The following JAM3 variants were observed in gnomAD, a reference collection of about 807,000 sequenced individuals.
JAM3 encodes the protein junctional adhesion molecule C.
In JAM3, 31 loss-of-function variants were observed where a neutral mutation model predicts 39.4. The ratio of observed to expected loss-of-function variants is 0.79; its 90% CI spans 0.59 to 1.06. The LOEUF is 1.06. JAM3 is among the 50% of genes least tolerant of loss of function. The pLI is 0.00. For synonymous variants in JAM3, 182 were observed against 148.7 expected, an observed-to-expected ratio of 1.22 and a Z score of -1.63; for missense variants, 455 against 391.4, an observed-to-expected ratio of 1.16 and a Z score of -1.37.
rs191171362 is a variant in JAM3, at chr11:134,078,531, G to A, written c.76+9372G>A. ...GGTTTGTCCTTTTAAAGATTTCCCC[G>A]ACTTCCTTGTGAGACATGGAATAAA... is the stretch of plus-strand genomic sequence containing the variant. On this transcript the variant is annotated intron_variant, in intron 1 of 8. Transcript: ENST00000299106. Among the ~76,000 whole-genome samples, 7 of 152,236 alleles carry A rather than the reference G, an allele frequency of 4.6e-5. No homozygotes were observed. In the East Asian group the frequency reaches 9.7e-4, roughly 21 times the overall value.
At chr11:134,086,807 T>TTTGTTG (rs1286165221) in intron 1 of JAM3, among the ~76,000 whole-genome samples, 1 of 151,958 alleles carries the variant, frequency 6.6e-6, no homozygotes, top group South Asian at 2.1e-4. Context: ...AGTGGTTTTT[T>TTTGTTG]TTGTTGTTGT....
intron 1 of JAM3, among the ~76,000 whole-genome samples, chr11:134,137,097 A>G (rs1942879692): frequency 1.3e-5 from 2 of 149,134 alleles, no homozygotes; most frequent in South Asian, 2.1e-4. Context: ...TGGCTGACAG[A>G]GCGAGACTCT....
chr11:134,082,755 A>G (rs1941687830), intron 1 of JAM3, among the ~76,000 whole-genome samples: 1 of 152,184 alleles, frequency 6.6e-6, no homozygotes, highest in Non-Finnish European at 1.5e-5. Flanking sequence ...AATACAATGC[A>G]TATACATGAA....
intron 4 of JAM3, 26 bp downstream of exon 4, chr11:134,144,419 A>T: frequency 6.2e-7 from 1 of 1,613,228 alleles, no homozygotes; most frequent in Non-Finnish European, 8.5e-7. Flanking sequence ...AAGGTGAGAC[A>T]TTGCCACCAT....
chr11:134,147,459 CAAAAAA>C (rs557379286), intron 6 of JAM3, among the ~76,000 whole-genome samples: 7 of 70,884 alleles, frequency 9.9e-5, no homozygotes, highest in Non-Finnish European at 2.0e-4. Context: ...GACTCTGTCT[CAAAAAA>C]AAAAAAAAAA....
At chr11:134,084,259 T>G (rs1377911882) in intron 1 of JAM3, among the ~76,000 whole-genome samples, 1 of 152,234 alleles carries the variant, frequency 6.6e-6, no homozygotes, top group Non-Finnish European at 1.5e-5. Context: ...CTGTAAAGCC[T>G]TTTTAATGGA....
In JAM3 at chr11:134,144,895, C is replaced by T; in HGVS notation, c.513C>T (p.Tyr171=). Residue 171 remains tyrosine, a synonymous_variant, in exon 5 of 9, where the codon TAC becomes TAT. Transcript: ENST00000299106. ...QESEGHPRPH[Y]SWYRNDVPLP... ...GTGAGGGCCACCCCCGGCCTCACTACAGCTGGTATCGCAATGATGTACCAC... is the reference window on the plus strand; with the variant it reads ...GTGAGGGCCACCCCCGGCCTCACTATAGCTGGTATCGCAATGATGTACCAC... The T allele has an allele frequency of 1.2e-6, 2 of 1,614,180 alleles. No homozygotes were observed. Among genetic ancestry groups the T allele is most frequent in the African/African-American group, 1.3e-5 (1 of 75,068 alleles).
At chr11:134,111,780 C>A (rs902709082) in intron 1 of JAM3, among the ~76,000 whole-genome samples, 1 of 152,112 alleles carries the variant, frequency 6.6e-6, no homozygotes, top group African/African-American at 2.4e-5. Flanking sequence ...AGGGAATCTC[C>A]ATTTTCTTTT....
intron 1 of JAM3, among the ~76,000 whole-genome samples, chr11:134,125,584 C>A (rs1322235814): frequency 6.6e-6 from 1 of 152,172 alleles, no homozygotes; most frequent in Non-Finnish European, 1.5e-5. Flanking sequence ...CCATTGACCT[C>A]GCTAGCATCC....
intron 1 of JAM3, among the ~76,000 whole-genome samples, chr11:134,122,243 G>A (rs928293733): frequency 2.6e-5 from 4 of 152,168 alleles, no homozygotes; most frequent in African/African-American, 4.8e-5. Flanking sequence ...CCTAGCTGAC[G>A]CTAACAAAAT....
At position 134,148,623 on chromosome 11, in the gene JAM3, C is replaced by A; in HGVS notation, c.789C>A (p.Ile263=). Residue 263 remains isoleucine (I), a synonymous_variant, in exon 7 of 9, where the codon ATC becomes ATA. Coordinates refer to ENST00000299106, the MANE Select transcript of JAM3 (RefSeq NM_032801.5). ...TACTGGCCCTGATCACGTTGGGCAT[C>A]TGCTGTGCATACAGACGTGGCTACT... ...LAVLALITLG[I]CCAYRRGYFI... 6.2e-7 allele frequency: 1 copy of A among 1,614,058 alleles called. No individual in the cohort carries two copies.
At chr11:134,108,581 TATAGGA>T (rs1302777447) in intron 1 of JAM3, among the ~76,000 whole-genome samples, 1 of 152,158 alleles carries the variant, frequency 6.6e-6, no homozygotes, top group East Asian at 1.9e-4. Context: ...TGTTTGTGTG[TATAGGA>T]AGAAAACAAA....
At chr11:134,107,049 A>G (rs1209077912) in intron 1 of JAM3, among the ~76,000 whole-genome samples, 1 of 152,246 alleles carries the variant, frequency 6.6e-6, no homozygotes, top group African/African-American at 2.4e-5. Context: ...GTATTGTGGC[A>G]CTATTCACAA....
chr11:134,146,804 ATCC>A (rs1943081117), intron 6 of JAM3, among the ~76,000 whole-genome samples: 2 of 152,098 alleles, frequency 1.3e-5, no homozygotes, highest in South Asian at 4.1e-4. Context: ...GCCTCAAGCA[ATCC>A]TCCTGCCTCG....
At chr11:134,144,524 G>A (rs1285419500) in intron 4 of JAM3, 131 bp downstream of exon 4, 17 of 1,129,294 alleles carry the variant, frequency 1.5e-5, no homozygotes, top group Non-Finnish European at 2.1e-5. Flanking sequence ...GAACTGTTGA[G>A]AGCTGAGACT....
chr11:134,069,700 C>G (rs183381437), intron 1 of JAM3, among the ~76,000 whole-genome samples: 2 of 152,296 alleles, frequency 1.3e-5, no homozygotes, highest in Admixed American at 6.5e-5. Flanking sequence ...CTGGAAGACC[C>G]TGCGCAGCAG....
intron 1 of JAM3, among the ~76,000 whole-genome samples, chr11:134,134,516 A>G (rs1399399085): frequency 6.6e-6 from 1 of 152,104 alleles, no homozygotes; most frequent in African/African-American, 2.4e-5. Context: ...TAAAGGAGGA[A>G]GAATAAGAAT....
chr11:134,148,992 ACACT>A lies in JAM3; in HGVS notation c.898-153_898-150del, dbSNP rs1473662822. 6.1e-5 allele frequency among the ~76,000 whole-genome samples: 9 copies of A among 147,992 alleles called. No individual in the cohort carries two copies. In the South Asian group the frequency reaches 6.5e-4, roughly 11 times the overall value. ...CACACACACACACACACACACACAC[ACACT>A]AATGGGATTTGTGCTTTGCAAGCGC... On this transcript the variant is annotated intron_variant, in intron 8 of 8. Transcript: ENST00000299106.
At chr11:134,128,589 G>T (rs1942700053) in intron 1 of JAM3, among the ~76,000 whole-genome samples, 1 of 152,102 alleles carries the variant, frequency 6.6e-6, no homozygotes, top group Non-Finnish European at 1.5e-5. Flanking sequence ...AGATCTGATG[G>T]TTTAAAAGTG....
Sources: gnomAD v4.1 joint callset for allele counts (sites outside exome capture counted in the v4.1 genomes callset) on GRCh38, gnomAD v4.1.1 for gene constraint, MANE v1.5 for transcripts, NCBI Gene and HGNC (gene_info 2026-07-23, HGNC 2026-07-21) for gene names.